Variants in MSI1 observed in about 807,000 individuals in gnomAD.
MSI1 encodes the protein RNA-binding protein Musashi homolog 1.
MSI1 carries 15 observed loss-of-function variants against 54.4 expected under a neutral mutation model. The ratio of observed to expected loss-of-function variants is 0.28; its 90% confidence interval spans 0.18 to 0.42. MSI1 has a LOEUF of 0.42. MSI1 is among the 20% of genes least tolerant of loss of function. The pLI is 1.00. For synonymous variants in MSI1, 200 were observed against 196.5 expected, an observed-to-expected ratio of 1.02 and a Z score of -0.15; for missense variants, 304 against 506.0, an observed-to-expected ratio of 0.60 and a Z score of 3.83.
Position 120,359,036 on chromosome 12 carries a change from C to G in MSI1, c.420G>C (p.Leu140=). 1 of 1,561,166 alleles carries G rather than the reference C, an allele frequency of 6.4e-7. No homozygotes were observed. The highest frequency in any genetic ancestry group is 8.7e-7 in the Non-Finnish European group (1 of 1,152,344). The part of the protein sequence containing the change: ...EQFGKVDDAM[L]MFDKTTNRHR... ...GCCGGTTGGTGGTTTTGTCAAACAT[C>G]AGCATGGCGTCGTCCACCTGAAACA... The change falls in exon 7 of 15, where the codon CTG becomes CTC. Residue 140 remains leucine, a synonymous_variant. Transcript: ENST00000257552.
intron 9 of MSI1, among the ~76,000 whole-genome samples, chr12:120,354,464 T>C: frequency 6.6e-6 from 1 of 151,546 alleles, no homozygotes; most frequent in East Asian, 1.9e-4. Context: ...GGAGTTTCAC[T>C]CTTGTTCCCC....
Position 120,363,149 on chromosome 12 carries a change from G to T in MSI1, c.310-14C>A. On this transcript the variant is annotated splice_polypyrimidine_tract_variant and intron_variant, in intron 5 of 14. Coordinates refer to ENST00000257552, the MANE Select transcript of MSI1 (RefSeq NM_002442.4). ...TCGAGTCACCATCTGTTAGGGGAGGGAATGAGAAAGTGGGCATCTGAGTCC... is the reference window on the plus strand; with the variant it reads ...TCGAGTCACCATCTGTTAGGGGAGGTAATGAGAAAGTGGGCATCTGAGTCC... 6.2e-7 allele frequency: 1 copy of T among 1,612,096 alleles called. No individual in the cohort carries two copies. The highest frequency in any genetic ancestry group is 8.5e-7 in the Non-Finnish European group (1 of 1,178,530).
chr12:120,356,999 C>T lies in MSI1; in HGVS notation c.555G>A (p.Gln185=), dbSNP rs1256599800. Residue 185 remains glutamine, a synonymous_variant, in exon 9 of 15, where the codon CAG becomes CAA. Coordinates refer to ENST00000257552, the MANE Select transcript of MSI1 (RefSeq NM_002442.4). ...NNKMVECKKA[Q]PKEVMSPTGS... Reference sequence around the variant, plus strand: ...CCGTTGGCGACATCACCTCCTTTGGCTGAGCTTTCTTACATTCCACCTGCA... The same window carrying T: ...CCGTTGGCGACATCACCTCCTTTGGTTGAGCTTTCTTACATTCCACCTGCA... The T allele has an allele frequency of 6.2e-7, 1 of 1,614,272 alleles. No individual in the cohort carries two copies. Among genetic ancestry groups the T allele is most frequent in the East Asian group, 2.2e-5 (1 of 44,888 alleles).
chr12:120,361,173 G>A (rs1205996802), intron 6 of MSI1, among the ~76,000 whole-genome samples: 1 of 152,108 alleles, frequency 6.6e-6, no homozygotes, highest in Admixed American at 6.5e-5. Context: ...TTAGGGCCAT[G>A]ACCACCATCC....
chr12:120,364,650 G>T, intron 5 of MSI1, 64 bp downstream of exon 5: 1 of 1,456,858 alleles, frequency 6.9e-7, no homozygotes, highest in Non-Finnish European at 9.3e-7. Context: ...AGGAAATACT[G>T]GGAAAATCAC....
intron 12 of MSI1, among the ~76,000 whole-genome samples, chr12:120,347,070 C>T (rs1190795949): frequency 1.3e-5 from 2 of 152,174 alleles, no homozygotes. Context: ...CTGCCTTGGC[C>T]TCCCGAGTAG....
At position 120,368,989 on chromosome 12, in the gene MSI1, G is replaced by GGGCCGGGGCGGGCGCGGGCCAAGCA. The variant is rs1876217923; in HGVS notation, c.59+19_59+43dup. The GGGCCGGGGCGGGCGCGGGCCAAGCA allele has an allele frequency of 9.0e-7, 1 of 1,106,758 alleles. No individual in the cohort carries two copies. Among genetic ancestry groups the GGGCCGGGGCGGGCGCGGGCCAAGCA allele is most frequent in the Non-Finnish European group, 1.1e-6 (1 of 906,112 alleles). 68.6% of individuals were successfully genotyped at this position (1,106,758 alleles called of 1,614,324 possible). On this transcript the variant is annotated intron_variant, in intron 1 of 14. Coordinates refer to ENST00000257552, the MANE Select transcript of MSI1 (RefSeq NM_002442.4). The surrounding 1 kb of genome is among the most constrained non-coding windows in gnomAD (Gnocchi z 6.6). ...CGGACCCGGATCGGCCATGTTGGCG[G>GGGCCGGGGCGGGCGCGGGCCAAGCA]GGCCGGGGCGGGCGCGGGCCAAGCA...
chr12:120,346,266 C>T lies in MSI1; in HGVS notation c.916G>A (p.Gly306Ser). 1 of 1,591,786 alleles carries T rather than the reference C, an allele frequency of 6.3e-7. No individual in the cohort carries two copies. Among genetic ancestry groups the T allele is most frequent in the Non-Finnish European group, 8.5e-7 (1 of 1,169,954 alleles). ...CCGGGGCTGGTGGTCCCCAGGAAGCCCCCTGTGCGGCTGGGAGTCGAACCT... is the reference window on the plus strand; with the variant it reads ...CCGGGGCTGGTGGTCCCCAGGAAGCTCCCTGTGCGGCTGGGAGTCGAACCT... ...PPGSTPSRTG[G>S]FLGTTSPGPM... is the part of the protein sequence containing the mutation. The change falls in exon 13 of 15, where the codon GGC (glycine) becomes AGC (serine). Residue 306 changes from glycine (G) to serine (S), a missense_variant. Gly to Ser is a moderately conservative substitution (Grantham distance 56). Coordinates refer to ENST00000257552, the MANE Select transcript of MSI1 (RefSeq NM_002442.4).
At chr12:120,359,673 AC>A (rs1875465995) in intron 6 of MSI1, among the ~76,000 whole-genome samples, 4 of 151,984 alleles carry the variant, frequency 2.6e-5, no homozygotes, top group Admixed American at 2.6e-4. Context: ...CCTCTCTTGG[AC>A]CCCAGTCTAC....
At chr12:120,345,680 G>A in intron 13 of MSI1, 48 bp from the exon 14 acceptor site, 1 of 1,604,192 alleles carries the variant, frequency 6.2e-7, no homozygotes, top group Non-Finnish European at 8.5e-7. Context: ...AATAGAGGAA[G>A]ATCAGGGGCT....
intron 9 of MSI1, 36 bp downstream of exon 9, chr12:120,356,866 G>A (rs778059151): frequency 6.3e-7 from 1 of 1,580,586 alleles, no homozygotes; most frequent in South Asian, 1.1e-5. Flanking sequence ...GAGCAGTTCT[G>A]GCAGAAAGAA....
rs200421340 is a variant in MSI1 at position 120,357,789 on chromosome 12, G to A, written c.534+27C>T. ...CCCAAAGTGCTTGGCTTACAGGCGTGAGCCACTGCGCCCGGACCCAACTCA... is the reference window on the plus strand; with the variant it reads ...CCCAAAGTGCTTGGCTTACAGGCGTAAGCCACTGCGCCCGGACCCAACTCA... On this transcript the variant is annotated intron_variant, in intron 8 of 14. Transcript: ENST00000257552. The A allele has an allele frequency of 3.0e-5, 49 of 1,609,838 alleles. No homozygotes were observed. In the African/African-American group the frequency reaches 5.7e-4, roughly 19 times the overall value.
intron 9 of MSI1, among the ~76,000 whole-genome samples, chr12:120,355,397 C>A (rs1465101742): frequency 8.6e-6 from 1 of 116,188 alleles, no homozygotes; most frequent in Non-Finnish European, 1.8e-5. Flanking sequence ...AGTGAGACTC[C>A]GTCTCAAAAA....
Position 120,356,950 on chromosome 12 carries a change from C to G in MSI1, c.604G>C (p.Val202Leu). 6.2e-7 allele frequency: 1 copy of G among 1,614,250 alleles called. No individual in the cohort carries two copies. ...PTGSARGRSR[V>L]MPYGMDAFML... ...AAGGCGTCCATTCCGTAGGGCATGACTCGAGACCTCCCCCGGGCTGAGCCC... is the reference window on the plus strand; with the variant it reads ...AAGGCGTCCATTCCGTAGGGCATGAGTCGAGACCTCCCCCGGGCTGAGCCC... The change falls in exon 9 of 15, where the codon GTC becomes CTC. Residue 202 changes from valine (V) to leucine (L), a missense_variant. Around this residue, in one of 4 missense-constraint regions of MSI1, gnomAD observed 22 missense variants for 19.6 expected, o/e 1.12. Coordinates refer to ENST00000257552, the MANE Select transcript of MSI1 (RefSeq NM_002442.4).
At position 120,368,942 on chromosome 12, in the gene MSI1, C is replaced by T; in HGVS notation, c.60-69G>A. The T allele has an allele frequency of 7.9e-7, 1 of 1,260,060 alleles. No individual in the cohort carries two copies. The highest frequency in any genetic ancestry group is 2.7e-4 in the Middle Eastern group (1 of 3,710). The allele number at this position is 1,260,060 out of a possible 1,614,324, so 78.1% of individuals were successfully genotyped here. ...GCGCCAGGGCGCAGGGGGCGCGGGC[C>T]CGGGCTCCGGGGAGGCCCGGCCGGA... On this transcript the variant is annotated intron_variant, in intron 1 of 14. Coordinates refer to ENST00000257552, the MANE Select transcript of MSI1 (RefSeq NM_002442.4). The surrounding 1 kb of genome is among the most constrained non-coding windows in gnomAD (Gnocchi z 6.6).
intron 6 of MSI1, among the ~76,000 whole-genome samples, chr12:120,362,056 C>T (rs565095065): frequency 7.9e-5 from 12 of 152,166 alleles, no homozygotes; most frequent in African/African-American, 2.9e-4. Context: ...GGCCCGGGCC[C>T]GCCCGACCTG....
At chr12:120,365,447 A>C (rs1875956461) in intron 4 of MSI1, among the ~76,000 whole-genome samples, 1 of 152,212 alleles carries the variant, frequency 6.6e-6, no homozygotes, top group Non-Finnish European at 1.5e-5. Context: ...AAAACAAAAA[A>C]AATGTAAGCC....
At chr12:120,359,403 T>C (rs1875438089) in intron 6 of MSI1, among the ~76,000 whole-genome samples, 1 of 152,070 alleles carries the variant, frequency 6.6e-6, no homozygotes, top group African/African-American at 2.4e-5. Flanking sequence ...ACAGAGAAGA[T>C]GCTAGAGAAG....
At chr12:120,346,077 T>C (rs1874091963) in intron 13 of MSI1, 58 bp downstream of exon 13, 5 of 1,394,384 alleles carry the variant, frequency 3.6e-6, no homozygotes, top group South Asian at 3.0e-5. Context: ...CTTCCCCAAC[T>C]TGGGGGTCTC....
Sources: allele counts gnomAD v4.1 joint callset (sites outside exome capture counted in the v4.1 genomes callset), GRCh38; gene constraint gnomAD v4.1.1; regional missense constraint gnomAD v4.1.1; non-coding constraint Gnocchi (gnomAD v3.1); transcripts MANE v1.5; gene names NCBI Gene and HGNC (gene_info 2026-07-23, HGNC 2026-07-21).